BMP2K: variants seen among roughly 807,000 people sequenced by gnomAD.
BMP2K encodes BMP2 inducible kinase, also known as BMP-2-inducible protein kinase.
BMP2K carries 74 observed loss-of-function variants against 116.0 expected under a neutral mutation model. The ratio of observed to expected loss-of-function variants is 0.64; its 90% CI spans 0.53 to 0.77. The LOEUF (loss-of-function observed/expected upper bound fraction) is 0.77. BMP2K is among the 30% of genes least tolerant of loss of function. The pLI is 0.00. For synonymous variants in BMP2K, 486 were observed against 502.5 expected, an observed-to-expected ratio of 0.97 and a Z score of 0.44; for missense variants, 1,365 against 1,403.6, an observed-to-expected ratio of 0.97 and a Z score of 0.44.
chr4:78,793,622 T>C (rs1279551273), intron 1 of BMP2K, among the ~76,000 whole-genome samples: 2 of 152,026 alleles, frequency 1.3e-5, no homozygotes, highest in East Asian at 1.9e-4. Context: ...GGGTCTACAA[T>C]GTATAGTGTA....
chr4:78,810,238 CTTCT>C (rs1729020053), intron 1 of BMP2K, among the ~76,000 whole-genome samples: 1 of 152,170 alleles, frequency 6.6e-6, no homozygotes, highest in Admixed American at 6.5e-5. Flanking sequence ...CCTCGTGAGC[CTTCT>C]TTCTTTTGCA....
intron 8 of BMP2K, chr4:78,859,981 T>C (rs1182662304): frequency 3.7e-6 from 2 of 541,384 alleles, no homozygotes; most frequent in Non-Finnish European, 6.9e-6. Flanking sequence ...TATTAAGTTA[T>C]TTGGGCCTAA....
At position 78,910,868 on chromosome 4, in the gene BMP2K, A is replaced by G. The variant is rs752166931; in HGVS notation, c.2321A>G (p.Asp774Gly). The change falls in exon 16 of 16, where the codon GAT (aspartate) becomes GGT (glycine). Residue 774 changes from aspartate to glycine, a missense_variant. Physicochemically the swap from Asp to Gly is moderately conservative, Grantham distance 94. This residue lies in a region of BMP2K where 596 missense variants were observed against 623.2 expected (regional missense o/e 0.96). Transcript: ENST00000502613. ...CAGGGGGAACAAGGAGATTTTAATG[A>G]TGATGATACTGAACCAGAAAATCTG... ...VLQGEQGDFN[D>G]DDTEPENLGH... 1.2e-6 allele frequency: 2 copies of G among 1,613,990 alleles called. No homozygotes were observed. Among genetic ancestry groups the G allele is most frequent in the Non-Finnish European group, 8.5e-7 (1 of 1,179,882 alleles).
intron 4 of BMP2K, among the ~76,000 whole-genome samples, chr4:78,843,144 C>T (rs1730840442): frequency 6.6e-6 from 1 of 151,904 alleles, no homozygotes. Context: ...TTTATAACTG[C>T]AGGTGTCCTC....
In BMP2K at chr4:78,912,809, A is replaced by T. The variant is rs993076396; in HGVS notation, c.*776A>T. ...TCGTCGCACAGAAGCCTAGAACAAA[A>T]ATATGAAGAGAAATATCTGACATTT... On this transcript the variant is annotated 3_prime_UTR_variant, in exon 16 of 16. Transcript: ENST00000502613. 7 of 152,192 alleles carry T rather than the reference A, an allele frequency of 4.6e-5. No homozygotes were observed. Among genetic ancestry groups the T allele is most frequent in the Non-Finnish European group, 7.4e-5 (5 of 68,022 alleles). 9.4% of individuals were successfully genotyped at this position (152,192 alleles called of 1,614,324 possible). A position where few individuals can be genotyped will look rare whatever the true frequency, so the allele number is the denominator to read the frequency against.
Position 78,911,377 on chromosome 4 carries a change from A to G in BMP2K, c.2830A>G (p.Thr944Ala), listed in dbSNP as rs1162438777. 4 of 1,613,996 alleles carry G rather than the reference A, an allele frequency of 2.5e-6. No homozygotes were observed. Among genetic ancestry groups the G allele is most frequent in the African/African-American group, 2.7e-5 (2 of 75,058 alleles). ...TCCATTTCAGCCCTTCCTCACATCA[A>G]CAAGTAAAAGTGAAAGCAATGAGGA... is the stretch of plus-strand genomic sequence containing the variant. The part of the protein sequence containing the change: ...STPFQPFLTS[T>A]SKSESNEDLF... Residue 944 changes from threonine to alanine, a missense_variant, in exon 16 of 16, where the codon ACA becomes GCA. Physicochemically the swap from Thr to Ala is moderately conservative, Grantham distance 58. Coordinates refer to ENST00000502613, the MANE Select transcript of BMP2K (RefSeq NM_198892.2).
intron 7 of BMP2K, among the ~76,000 whole-genome samples, chr4:78,853,335 A>G (rs1217440548): frequency 6.6e-6 from 1 of 152,168 alleles, no homozygotes; most frequent in East Asian, 1.9e-4. Context: ...TCATAAACCT[A>G]TTAATTTCTT....
Position 78,911,014 on chromosome 4 carries a change from A to G in BMP2K, c.2467A>G (p.Arg823Gly), listed in dbSNP as rs778805169. 1 of 1,613,750 alleles carries G rather than the reference A, an allele frequency of 6.2e-7. No homozygotes were observed. The highest frequency in any genetic ancestry group is 1.1e-5 in the South Asian group (1 of 91,058). Residue 823 changes from arginine to glycine, a missense_variant, in exon 16 of 16, where the codon AGA becomes GGA. Physicochemically the swap from Arg to Gly is moderately radical, Grantham distance 125. Around this residue, in one of 3 missense-constraint regions of BMP2K, gnomAD observed 596 missense variants for 623.2 expected, o/e 0.96. Coordinates refer to ENST00000502613, the MANE Select transcript of BMP2K (RefSeq NM_198892.2). ...TGACATGAGCTCTGTCTACAGAGAC[A>G]GATCTGGCAGTGGACCAACCCAAGA... ...YSDMSSVYRD[R>G]SGSGPTQDLN...
chr4:78,785,676 A>G (rs772946652), intron 1 of BMP2K, among the ~76,000 whole-genome samples: 1 of 152,218 alleles, frequency 6.6e-6, no homozygotes, highest in Non-Finnish European at 1.5e-5. Flanking sequence ...AGGAGGAGGT[A>G]TGACAGTACT....
At position 78,899,090 on chromosome 4, in the gene BMP2K, G is replaced by C. The variant is rs528939105; in HGVS notation, c.2063-11520G>C. 4 of 152,370 alleles carry C rather than the reference G, an allele frequency of 2.6e-5. No homozygotes were observed. In the East Asian group the frequency reaches 7.7e-4, roughly 29 times the overall value. The allele number at this position is 152,370 out of a possible 1,614,324, so 9.4% of individuals were successfully genotyped here. On this transcript the variant is annotated intron_variant, in intron 15 of 15. Coordinates refer to ENST00000502613, the MANE Select transcript of BMP2K (RefSeq NM_198892.2). ...GTCAAAACTCCGGTGCTGATCAGTA[G>C]TGGGATCATGCCTATGAATAGCCAC...
chr4:78,880,776 C>CAT (rs1472063160), intron 14 of BMP2K, among the ~76,000 whole-genome samples: 3 of 152,174 alleles, frequency 2.0e-5, no homozygotes, highest in Non-Finnish European at 2.9e-5. Context: ...TTTTAAACTT[C>CAT]ATGATCAGAT....
At chr4:78,808,407 A>G (rs1654564925) in intron 1 of BMP2K, among the ~76,000 whole-genome samples, 1 of 151,732 alleles carries the variant, frequency 6.6e-6, no homozygotes, top group South Asian at 2.1e-4. Context: ...CTGGGACTAC[A>G]GGCACCTGCC....
At chr4:78,810,791 T>G (rs1729051770) in intron 1 of BMP2K, among the ~76,000 whole-genome samples, 1 of 151,420 alleles carries the variant, frequency 6.6e-6, no homozygotes, top group African/African-American at 2.5e-5. Flanking sequence ...GCTTGCTGTT[T>G]TTACTGAGAT....
At chr4:78,818,969 T>A (rs1481842476) in intron 1 of BMP2K, among the ~76,000 whole-genome samples, 2 of 152,066 alleles carry the variant, frequency 1.3e-5, no homozygotes, top group African/African-American at 4.8e-5. Flanking sequence ...GCTAATTTTT[T>A]GTATTTCTAT....
chr4:78,851,104 A>G (rs1314685817), intron 7 of BMP2K, 48 bp downstream of exon 7: 1 of 1,468,984 alleles, frequency 6.8e-7, no homozygotes. Flanking sequence ...TACTGTACTT[A>G]GGGCCTACTA....
chr4:78,851,979 G>C (rs1049844043), intron 7 of BMP2K, among the ~76,000 whole-genome samples: 2 of 151,982 alleles, frequency 1.3e-5, no homozygotes, highest in Admixed American at 6.6e-5. Context: ...AAATGTCTAA[G>C]TTTTATAATT....
chr4:78,791,447 T>C (rs1727991274), intron 1 of BMP2K, among the ~76,000 whole-genome samples: 1 of 152,224 alleles, frequency 6.6e-6, no homozygotes, highest in African/African-American at 2.4e-5. Context: ...TTTTTTCTTT[T>C]TTGCAAAATA....
chr4:78,778,006 T>C (rs544333685), intron 1 of BMP2K, among the ~76,000 whole-genome samples: 124 of 152,256 alleles, frequency 8.1e-4, no homozygotes, highest in Non-Finnish European at 1.5e-3. Flanking sequence ...TTATAAAAGA[T>C]TTACTATACT....
In BMP2K at chr4:78,850,992, CTG is replaced by C; in HGVS notation, c.822_823del (p.Cys274Ter). The part of the protein sequence containing the change: ...LPFGESQVAI[C>X]DGNFTIPDNS... ...CTTTTGGTGAGAGTCAGGTTGCTAT[CTG>C]TGATGGCAACTTCACCATCCCAGAC... On this transcript the variant is annotated frameshift_variant, in exon 7 of 16. Coordinates refer to ENST00000502613, the MANE Select transcript of BMP2K (RefSeq NM_198892.2). LOFTEE classifies it high-confidence loss of function. 6.2e-7 allele frequency: 1 copy of C among 1,612,252 alleles called. No homozygotes were observed. Among genetic ancestry groups the C allele is most frequent in the Non-Finnish European group, 8.5e-7 (1 of 1,178,880 alleles).
Sources: gnomAD v4.1 joint callset for allele counts (sites outside exome capture counted in the v4.1 genomes callset) on GRCh38, gnomAD v4.1.1 for gene constraint, gnomAD v4.1.1 regional missense constraint, MANE v1.5 for transcripts, NCBI Gene and HGNC (gene_info 2026-07-23, HGNC 2026-07-21) for gene names.